Variants in MYH11 observed in about 807,000 individuals in gnomAD.
MYH11 encodes myosin heavy chain 11.
Under a neutral mutation model 246.6 loss-of-function variants are expected in MYH11, and 80 were observed. That is an observed-to-expected ratio of 0.32 (90% CI 0.27 to 0.39). MYH11 has a LOEUF of 0.39. Ranked by LOEUF, MYH11 falls within the 10% of genes least tolerant of loss-of-function variation. MYH11 has a pLI of 1.00. For missense variants in MYH11, 2,158 were observed against 2,546.8 expected, an observed-to-expected ratio of 0.85 and a Z score of 3.29; for synonymous variants, 1,071 against 1,015.5, an observed-to-expected ratio of 1.05 and a Z score of -1.04.
In MYH11 at chr16:15,850,149, C is replaced by A. The variant is rs936803488; in HGVS notation, c.-18+6792G>T. 2.6e-5 allele frequency among the ~76,000 whole-genome samples: 4 copies of A among 152,182 alleles called. No homozygotes were observed. The South Asian group carries it at 6.2e-4, about 24-fold the overall frequency. On this transcript the variant is annotated intron_variant, in intron 1 of 40. Coordinates refer to ENST00000300036, the MANE Select transcript of MYH11 (RefSeq NM_002474.3). ...CCTGTAATCCCAGTACTTCGGGAGG[C>A]CGAGGCAGGCGGATAACCTGAGGTC... is the stretch of plus-strand genomic sequence containing the variant.
chr16:15,850,261 T>C (rs959470710), intron 1 of MYH11, among the ~76,000 whole-genome samples: 7 of 151,850 alleles, frequency 4.6e-5, no homozygotes, highest in Non-Finnish European at 7.4e-5. Context: ...GGTGGGCGCC[T>C]GTAATACCAG....
chr16:15,825,677 C>T (rs216163), intron 2 of MYH11, among the ~76,000 whole-genome samples: 45,665 of 151,948 alleles, frequency 0.3, 7,333 homozygotes, highest in African/African-American at 0.39. Context: ...GCAGTCCTCT[C>T]CTACTGGGTG....
chr16:15,820,311 C>T (rs1019401742), intron 3 of MYH11, among the ~76,000 whole-genome samples: 1 of 152,070 alleles, frequency 6.6e-6, no homozygotes, highest in Non-Finnish European at 1.5e-5. Context: ...CCCATCTCTA[C>T]TAAAAATACA....
At chr16:15,780,610 G>A (rs2042331211) in intron 6 of MYH11, among the ~76,000 whole-genome samples, 1 of 149,688 alleles carries the variant, frequency 6.7e-6, no homozygotes, top group Non-Finnish European at 1.5e-5. Flanking sequence ...AGCCTCCCGA[G>A]TAGCTGGGAA....
intron 1 of MYH11, among the ~76,000 whole-genome samples, chr16:15,850,681 G>T (rs1482007313): frequency 6.6e-6 from 1 of 152,038 alleles, no homozygotes; most frequent in Admixed American, 6.6e-5. Context: ...GTTCGCTTGA[G>T]CTTAGGAGTT....
In MYH11 at chr16:15,717,131, C is replaced by T. The variant is rs1391739007; in HGVS notation, c.5504+9G>A. On this transcript the variant is annotated intron_variant, in intron 38 of 40. Coordinates refer to ENST00000300036, the MANE Select transcript of MYH11 (RefSeq NM_002474.3). Reference sequence around the variant, plus strand: ...TGCAAACTGGGTTCGGAACTCCACACCCGCATACCTGGCCTCCTGCTCGAC... The same window carrying T: ...TGCAAACTGGGTTCGGAACTCCACATCCGCATACCTGGCCTCCTGCTCGAC... 1.2e-6 allele frequency: 2 copies of T among 1,614,160 alleles called. No homozygotes were observed. The highest frequency in any genetic ancestry group is 1.7e-6 in the Non-Finnish European group (2 of 1,179,984).
chr16:15,725,494 T>G, intron 28 of MYH11: 1 of 428,304 alleles, frequency 2.3e-6, no homozygotes. Flanking sequence ...ACGCAGGCCC[T>G]AAAGGTAAAA....
At chr16:15,753,221 C>T (rs2041620077) in intron 15 of MYH11, among the ~76,000 whole-genome samples, 173 bp downstream of exon 15, 1 of 152,132 alleles carries the variant, frequency 6.6e-6, no homozygotes, top group Admixed American at 6.5e-5. Context: ...CAGGGACCCC[C>T]ACTCAGGAAG....
rs138543179 is a variant in MYH11, at chr16:15,724,618, T to C, written c.4116+29A>G. On this transcript the variant is annotated intron_variant, in intron 30 of 40. Transcript: ENST00000300036. ...AGCGCAGAGAAGTTGAGAGGACCCA[T>C]GAAGGAAGCAAGGACACGGGGCAGG... The C allele has an allele frequency of 5.0e-4, 812 of 1,613,300 alleles. 5 individuals are homozygous for C. In the African/African-American group the frequency reaches 9.4e-3, roughly 19 times the overall value.
chr16:15,759,765 A>G (rs200108592), intron 11 of MYH11, 37 bp from the exon 12 acceptor site: 37 of 1,612,310 alleles, frequency 2.3e-5, no homozygotes, highest in Admixed American at 1.2e-4. Flanking sequence ...GTTATTCTCA[A>G]TGGGCTCCAT....
intron 27 of MYH11, 100 bp downstream of exon 27, chr16:15,732,464 T>C (rs1191297654): frequency 1.3e-5 from 19 of 1,519,716 alleles, no homozygotes; most frequent in Non-Finnish European, 1.7e-5. Flanking sequence ...CTTATGTAAC[T>C]TGTTTTTTGT....
intron 8 of MYH11, among the ~76,000 whole-genome samples, chr16:15,772,433 C>T (rs747197054): frequency 2.0e-5 from 3 of 152,050 alleles, no homozygotes; most frequent in Non-Finnish European, 4.4e-5. Context: ...TTCAAACAGG[C>T]ACATGAGTTT....
chr16:15,790,435 C>A (rs2042582281), intron 4 of MYH11, among the ~76,000 whole-genome samples: 1 of 152,124 alleles, frequency 6.6e-6, no homozygotes, highest in Non-Finnish European at 1.5e-5. Flanking sequence ...TGGGCATCTA[C>A]CCCTTCCCAT....
rs4781689 is a variant in MYH11 at position 15,771,615 on chromosome 16, G to A, written c.987C>T (p.Thr329=). The change falls in exon 9 of 41, where the codon ACC becomes ACT. Residue 329 remains threonine, a synonymous_variant. Coordinates refer to ENST00000300036, the MANE Select transcript of MYH11 (RefSeq NM_002474.3). The part of the protein sequence containing the change: ...AAQDDEMFQE[T]VEAMAIMGFS... Reference sequence around the variant, plus strand: ...AACCCATGATTGCCATGGCCTCCACGGTTTCCTGGAACATCTCATCATCCT... The same window carrying A: ...AACCCATGATTGCCATGGCCTCCACAGTTTCCTGGAACATCTCATCATCCT... 0.096 allele frequency: 155,166 copies of A among 1,613,660 alleles called. 8,662 individuals are homozygous for A. The highest frequency in any genetic ancestry group is 0.18 in the Admixed American group (10,546 of 59,958).
Position 15,715,972 on chromosome 16 carries a change from C to T in MYH11, c.5505-700G>A, listed in dbSNP as rs117066936. Among the ~76,000 whole-genome samples, 380 of 150,994 alleles carry T rather than the reference C, an allele frequency of 2.5e-3. 1 individual carries two copies. Among genetic ancestry groups the T allele is most frequent in the Non-Finnish European group, 4.4e-3 (297 of 67,778 alleles). ...GAAACCCCATCCCTACTAAAAAATA[C>T]AATTACAAGCTGGGTACAGTGGTGT... On this transcript the variant is annotated intron_variant, in intron 38 of 40. Transcript: ENST00000300036.
intron 40 of MYH11, among the ~76,000 whole-genome samples, chr16:15,707,728 T>TG (rs1448490319): frequency 6.6e-6 from 1 of 152,100 alleles, no homozygotes; most frequent in Non-Finnish European, 1.5e-5. Flanking sequence ...TCCCAGCATT[T>TG]GGGGAGGCCA....
Position 15,847,265 on chromosome 16 carries a change from T to TTTA in MYH11, c.-17-8997_-17-8996insTAA, listed in dbSNP as rs574635258. ...GGACTTCTTTTTTTTTTTTTTTTTT[T>TTTA]TCTGAGACAGGGTCTTGCTCTGTCG... On this transcript the variant is annotated intron_variant, in intron 1 of 40. Coordinates refer to ENST00000300036, the MANE Select transcript of MYH11 (RefSeq NM_002474.3). 5.2e-5 allele frequency among the ~76,000 whole-genome samples: 6 copies of TTTA among 116,202 alleles called. No individual in the cohort carries two copies. The East Asian group carries it at 9.2e-4, about 18-fold the overall frequency. The allele number at this position is 116,202 out of a possible 152,430, so 76.2% of individuals were successfully genotyped here. A position where few individuals can be genotyped will look rare whatever the true frequency, so the allele number is the denominator to read the frequency against.
chr16:15,765,000 T>A (rs980107116), intron 9 of MYH11, among the ~76,000 whole-genome samples: 1 of 152,222 alleles, frequency 6.6e-6, no homozygotes, highest in African/African-American at 2.4e-5. Flanking sequence ...GTTAAAATAG[T>A]TTCTATGTCT....
At chr16:15,782,502 T>C (rs372849978) in intron 5 of MYH11, 25 bp from the exon 6 acceptor site, 1 of 1,597,782 alleles carries the variant, frequency 6.3e-7, no homozygotes, top group African/African-American at 1.3e-5. Context: ...CATCTAGTTA[T>C]TGGAGAAAGC....
Sources: allele counts gnomAD v4.1 joint callset (sites outside exome capture counted in the v4.1 genomes callset), GRCh38; gene constraint gnomAD v4.1.1; transcripts MANE v1.5; gene names NCBI Gene and HGNC (gene_info 2026-07-23, HGNC 2026-07-21).